The following SPAG16 variants were observed in gnomAD, a reference collection of about 807,000 sequenced individuals.
SPAG16 encodes the protein sperm associated antigen 16, also known as sperm-associated antigen 16 protein.
In SPAG16, 86 loss-of-function variants were observed where a neutral mutation model predicts 80.4. The observed-to-expected ratio is 1.07, with a 90% confidence interval of 0.90 to 1.28. The LOEUF (loss-of-function observed/expected upper bound fraction) is 1.28, where lower values mean the gene tolerates loss of function less well. SPAG16 is among the 50% of genes most tolerant of loss of function. The probability of loss-of-function intolerance (pLI) is 0.00; values close to 1 mark genes in which losing one functional copy is unlikely to be tolerated. For synonymous variants in SPAG16, 294 were observed against 265.9 expected (o/e 1.11, Z -1.03); for missense variants, 870 against 765.3 (o/e 1.14, Z -1.61).
chr2:214,215,343 A>G (rs545393862), intron 15 of SPAG16, among the ~76,000 whole-genome samples: 1 of 152,138 alleles, frequency 6.6e-6, no homozygotes, highest in East Asian at 1.9e-4. Flanking sequence ...GCTCCTCCCA[A>G]GAATAGAATA....
At chr2:213,765,763 A>C (rs2068905501) in intron 10 of SPAG16, among the ~76,000 whole-genome samples, 1 of 152,154 alleles carries the variant, frequency 6.6e-6, no homozygotes, top group Non-Finnish European at 1.5e-5. Flanking sequence ...CCTAACACTG[A>C]AGTACTAGGG....
intron 10 of SPAG16, among the ~76,000 whole-genome samples, chr2:213,535,937 A>G (rs1328069376): frequency 2.0e-5 from 3 of 152,128 alleles, no homozygotes; most frequent in Non-Finnish European, 2.9e-5. Flanking sequence ...CTTGCCTTGA[A>G]TTATAATAGG....
At chr2:213,433,524 T>C (rs1439282704) in intron 9 of SPAG16, among the ~76,000 whole-genome samples, 1 of 152,180 alleles carries the variant, frequency 6.6e-6, no homozygotes, top group African/African-American at 2.4e-5. Context: ...AAAAAATAGT[T>C]AGTAATATAT....
intron 8 of SPAG16, among the ~76,000 whole-genome samples, chr2:213,372,257 TA>T (rs1056474059): frequency 2.0e-5 from 3 of 152,218 alleles, no homozygotes; most frequent in African/African-American, 7.2e-5. Context: ...AACCAGATCA[TA>T]ATGATACATA....
chr2:213,404,132 C>G (rs1575496839), intron 9 of SPAG16, among the ~76,000 whole-genome samples: 1 of 151,974 alleles, frequency 6.6e-6, no homozygotes, highest in South Asian at 2.1e-4. Flanking sequence ...GCCATACTGC[C>G]CAAGGTAATT....
chr2:213,387,076 G>T (rs531955278), intron 9 of SPAG16, among the ~76,000 whole-genome samples: 1 of 152,120 alleles, frequency 6.6e-6, no homozygotes, highest in Admixed American at 6.5e-5. Flanking sequence ...ATACAGATTT[G>T]AATAGTTTTA....
At chr2:213,373,663 A>G (rs71426334) in intron 8 of SPAG16, among the ~76,000 whole-genome samples, 2 of 152,000 alleles carry the variant, frequency 1.3e-5, no homozygotes, top group South Asian at 4.1e-4. Flanking sequence ...TATCTGTTGG[A>G]TTCTTGAGTT....
chr2:214,043,772 A>AT (rs964215936), intron 13 of SPAG16, among the ~76,000 whole-genome samples: 2 of 152,100 alleles, frequency 1.3e-5, no homozygotes, highest in East Asian at 1.9e-4. Flanking sequence ...CAGAATGAAG[A>AT]TTTTTTATTA....
At chr2:213,433,915 C>CTTTTTTTTTTTTTTT (rs33989475) in intron 9 of SPAG16, among the ~76,000 whole-genome samples, 3 of 85,008 alleles carry the variant, frequency 3.5e-5, no homozygotes, top group African/African-American at 1.3e-4. Flanking sequence ...TTTTCTTTGT[C>CTTTTTTTTTTTTTTT]TTTTTTTTTT....
intron 15 of SPAG16, among the ~76,000 whole-genome samples, chr2:214,279,189 CG>C (rs1692706010): frequency 6.6e-6 from 1 of 151,592 alleles, no homozygotes; most frequent in Non-Finnish European, 1.5e-5. Flanking sequence ...CTCCGCCTGC[CG>C]GGTACAAACG....
chr2:214,320,686 A>G (rs1464633719), intron 15 of SPAG16, among the ~76,000 whole-genome samples: 1 of 152,178 alleles, frequency 6.6e-6, no homozygotes, highest in East Asian at 1.9e-4. Context: ...TTATAAAACC[A>G]TCAGATCTCT....
intron 10 of SPAG16, among the ~76,000 whole-genome samples, chr2:213,555,148 G>C (rs2059387874): frequency 6.6e-6 from 1 of 152,136 alleles, no homozygotes; most frequent in African/African-American, 2.4e-5. Flanking sequence ...CTTCTCAGCA[G>C]AAACCTTATA....
At chr2:213,501,529 A>G (rs2125777439) in intron 10 of SPAG16, among the ~76,000 whole-genome samples, 1 of 152,338 alleles carries the variant, frequency 6.6e-6, no homozygotes, top group Non-Finnish European at 1.5e-5. Flanking sequence ...TGACATGATA[A>G]TGCCAGAAAT....
chr2:213,409,204 G>T (rs185400869), intron 9 of SPAG16, among the ~76,000 whole-genome samples: 257 of 152,116 alleles, frequency 1.7e-3, no homozygotes, highest in Non-Finnish European at 3.0e-3. Flanking sequence ...GGAAAAAAAG[G>T]TTATAAAAGG....
chr2:213,833,754 A>C (rs918542036), intron 10 of SPAG16, among the ~76,000 whole-genome samples: 1 of 147,160 alleles, frequency 6.8e-6, no homozygotes, highest in Non-Finnish European at 1.5e-5. Flanking sequence ...AAATGCTCTT[A>C]CTTCTATATA....
chr2:213,801,947 T>G (rs2071435345), intron 10 of SPAG16, among the ~76,000 whole-genome samples: 1 of 152,200 alleles, frequency 6.6e-6, no homozygotes. Context: ...CCAAGTCACA[T>G]TATAAGTTAT....
intron 10 of SPAG16, among the ~76,000 whole-genome samples, chr2:213,834,633 C>A (rs544337848): frequency 6.6e-6 from 1 of 152,092 alleles, no homozygotes; most frequent in African/African-American, 2.4e-5. Flanking sequence ...TTCTATGATT[C>A]CCCTCAGGAG....
intron 13 of SPAG16, among the ~76,000 whole-genome samples, chr2:214,059,260 G>GTA (rs34712920): frequency 0.25 from 33,614 of 132,898 alleles, 4,634 homozygotes; most frequent in Middle Eastern, 0.28. Context: ...ATATATGTAT[G>GTA]TATATATATA....
intron 12 of SPAG16, among the ~76,000 whole-genome samples, chr2:214,004,951 G>T (rs1206886243): frequency 6.6e-6 from 1 of 152,114 alleles, no homozygotes; most frequent in Non-Finnish European, 1.5e-5. Context: ...AGGGTCGACC[G>T]TATTTTCACA....
Sources: gnomAD v4.1 joint callset for allele counts (sites outside exome capture counted in the v4.1 genomes callset) on GRCh38, gnomAD v4.1.1 for gene constraint, MANE v1.5 for transcripts, NCBI Gene and HGNC (gene_info 2026-07-23, HGNC 2026-07-21) for gene names.